CSF2RA: variants seen among roughly 807,000 people sequenced by gnomAD.
The protein encoded by CSF2RA is granulocyte-macrophage colony-stimulating factor receptor subunit alpha.
CSF2RA carries 42 observed loss-of-function variants against 51.6 expected under a neutral mutation model. The observed-to-expected ratio is 0.81, with a 90% CI of 0.64 to 1.05. CSF2RA has a LOEUF of 1.05. Ranked by LOEUF, CSF2RA falls within the 50% of genes least tolerant of loss-of-function variation. CSF2RA has a pLI of 0.00. For synonymous variants in CSF2RA, 222 were observed against 193.0 expected (o/e 1.15, Z -1.24); for missense variants, 530 against 501.1 (o/e 1.06, Z -0.55).
chrX:1,311,703 C>T (rs1269788187), downstream of CSF2RA, among the ~76,000 whole-genome samples: 8 of 152,118 alleles, frequency 5.3e-5, no homozygotes, highest in Non-Finnish European at 7.4e-5. Context: ...GGCGTCTCCA[C>T]GTGCTGGGAT....
chrX:1,277,437 A>T (rs1603419170), intron 2 of CSF2RA, among the ~76,000 whole-genome samples: 1 of 149,860 alleles, frequency 6.7e-6, no homozygotes, highest in African/African-American at 2.5e-5. Flanking sequence ...CTCTACTAAA[A>T]ATACAAAAAT....
At chrX:1,311,614 G>C (rs1188008545), downstream of CSF2RA, among the ~76,000 whole-genome samples, 1 of 151,420 alleles carries the variant, frequency 6.6e-6, no homozygotes, top group Non-Finnish European at 1.5e-5. Context: ...TTTTTGTTTT[G>C]TTTTGTGTTT....
chrX:1,306,417 C>T (rs144482136), intron 12 of CSF2RA, among the ~76,000 whole-genome samples: 2,566 of 152,028 alleles, frequency 0.017, 71 homozygotes, highest in African/African-American at 0.058. Context: ...GAGGCCGAGG[C>T]GGGTGGATCA....
intron 11 of CSF2RA, 112 bp from the exon 12 acceptor site, chrX:1,305,334 C>A: frequency 2.5e-6 from 3 of 1,208,496 alleles, no homozygotes; most frequent in Non-Finnish European, 2.5e-6. Flanking sequence ...TGAAGTTTTG[C>A]ATAGTTGAGC....
intron 4 of CSF2RA, among the ~76,000 whole-genome samples, chrX:1,287,699 C>T (rs1365676620): frequency 8.7e-5 from 12 of 138,576 alleles, no homozygotes; most frequent in Admixed American, 5.8e-4. Context: ...CCGCCTCGGC[C>T]TCCCAGAGTG....
At chrX:1,303,702 C>G (rs2083251584) in intron 10 of CSF2RA, among the ~76,000 whole-genome samples, 1 of 152,152 alleles carries the variant, frequency 6.6e-6, no homozygotes, top group Non-Finnish European at 1.5e-5. Context: ...TAACAGCTCA[C>G]CAGAAATTTC....
chrX:1,315,921 TGATA>T, the CSF2RA span, among the ~76,000 whole-genome samples: 11 of 150,174 alleles, frequency 7.3e-5, no homozygotes, highest in Non-Finnish European at 1.2e-4. Flanking sequence ...GATAGATTGA[TGATA>T]GATGGATGAT....
At chrX:1,301,442 A>T (rs1236576473) in intron 10 of CSF2RA, among the ~76,000 whole-genome samples, 1 of 151,688 alleles carries the variant, frequency 6.6e-6, no homozygotes, top group African/African-American at 2.4e-5. Context: ...ATGAGCTAGA[A>T]TCCCTTAATA....
intron 3 of CSF2RA, among the ~76,000 whole-genome samples, chrX:1,283,505 C>A (rs755762936): frequency 7.6e-6 from 1 of 131,224 alleles, no homozygotes; most frequent in African/African-American, 2.7e-5. Context: ...TTTCTTTCTC[C>A]TTTTTTTTTC....
intron 11 of CSF2RA, among the ~76,000 whole-genome samples, chrX:1,305,213 C>CT (rs1262522726): frequency 1.1e-4 from 16 of 146,488 alleles, no homozygotes; most frequent in African/African-American, 3.6e-4. Context: ...AGGCTGGTCT[C>CT]AAACCTCAAG....
chrX:1,306,862 G>GGA (rs60163712), intron 12 of CSF2RA, among the ~76,000 whole-genome samples: 26,973 of 149,662 alleles, frequency 0.18, 2,480 homozygotes, highest in Non-Finnish European at 0.19. Flanking sequence ...CACAGAGAGG[G>GGA]GAGAGAGAGA....
chrX:1,281,126 TCC>T (rs2089979871), intron 2 of CSF2RA, among the ~76,000 whole-genome samples: 3 of 114,450 alleles, frequency 2.6e-5, no homozygotes, highest in Admixed American at 9.0e-5. Flanking sequence ...CTCCTCCTCC[TCC>T]TCCTGCTCCT....
At chrX:1,317,176 C>T in the CSF2RA span, among the ~76,000 whole-genome samples, 65 of 150,530 alleles carry the variant, frequency 4.3e-4, no homozygotes, top group African/African-American at 1.5e-3. Flanking sequence ...TCTCGAACTC[C>T]TGACCTTATG....
In CSF2RA at chrX:1,298,614, ACG is replaced by A. The variant is rs1569507830; in HGVS notation, c.811-1876_811-1875del. Among the ~76,000 whole-genome samples the A allele has an allele frequency of 6.4e-3, 105 of 16,362 alleles. 6 individuals carry two copies. Among genetic ancestry groups the A allele is most frequent in the African/African-American group, 0.015 (102 of 7,020 alleles). The allele number at this position is 16,362 out of a possible 152,430, so 10.7% of individuals were successfully genotyped here. On this transcript the variant is annotated intron_variant, in intron 9 of 12. Coordinates refer to ENST00000381529, the MANE Select transcript of CSF2RA (RefSeq NM_172245.4). ...GGTGGAACCCTACAGTCCCCTACTC[ACG>A]ACCCCTACACTCTCCTACCCATGAC...
At chrX:1,302,362 A>T (rs1426050333) in intron 10 of CSF2RA, among the ~76,000 whole-genome samples, 1 of 152,086 alleles carries the variant, frequency 6.6e-6, no homozygotes, top group Non-Finnish European at 1.5e-5. Context: ...CAAAGGGTAC[A>T]GAAGAAAAAT....
chrX:1,283,578 T>G (rs1300463371), intron 3 of CSF2RA, among the ~76,000 whole-genome samples: 1 of 151,202 alleles, frequency 6.6e-6, no homozygotes, highest in Non-Finnish European at 1.5e-5. Flanking sequence ...TTCTTTCTTT[T>G]TCTTTCTTTT....
rs1420101061 is a variant in CSF2RA, at chrX:1,274,748, T to G, written c.-90-7T>G. 2 of 453,224 alleles carry G rather than the reference T, an allele frequency of 4.4e-6. No individual in the cohort carries two copies. The highest frequency in any genetic ancestry group is 8.8e-6 in the Non-Finnish European group (2 of 226,710). 28.1% of individuals were successfully genotyped at this position (453,224 alleles called of 1,614,324 possible). On this transcript the variant is annotated splice_region_variant and splice_polypyrimidine_tract_variant and intron_variant, in intron 1 of 12. Transcript: ENST00000381529. The stretch of plus-strand genomic sequence containing the variant: ...TTGGGGTCCTGAGACTTATTTACCT[T>G]TCACAGTTTACAGCAGGAAAATCCG...
intron 7 of CSF2RA, 70 bp downstream of exon 7, chrX:1,290,579 C>A: frequency 1.3e-6 from 2 of 1,503,518 alleles, no homozygotes; most frequent in Non-Finnish European, 1.9e-6. Flanking sequence ...ATCTGTGTAA[C>A]TGAGGCCACG....
chrX:1,311,798 C>T (rs1382742476), downstream of CSF2RA, among the ~76,000 whole-genome samples: 4 of 152,064 alleles, frequency 2.6e-5, no homozygotes, highest in Admixed American at 6.6e-5. Context: ...TGTAGCAACA[C>T]AAAACAGACT....
Sources: gnomAD v4.1 joint callset for allele counts (sites outside exome capture counted in the v4.1 genomes callset) on GRCh38, gnomAD v4.1.1 for gene constraint, MANE v1.5 for transcripts, NCBI Gene and HGNC (gene_info 2026-07-23, HGNC 2026-07-21) for gene names.